The following A3GALT2 variants were observed in gnomAD, a reference collection of about 807,000 sequenced individuals.
A3GALT2 encodes the protein alpha-1,3-galactosyltransferase 2.
In A3GALT2, 14 loss-of-function variants were observed where a neutral mutation model predicts 16.6. That is an observed-to-expected ratio of 0.84 (90% CI 0.56 to 1.32). The LOEUF is 1.32. Among genes scored for constraint, A3GALT2 ranks in the 40% most tolerant of loss-of-function variants. The pLI, the probability that A3GALT2 is intolerant of heterozygous loss-of-function variation, is 0.00. For missense variants in A3GALT2, 600 were observed against 490.9 expected (o/e 1.22, Z -2.10); for synonymous variants, 253 against 218.0 (o/e 1.16, Z -1.42).
rs549874302 is a variant in A3GALT2 at position 33,312,093 on chromosome 1, C to G, written c.294G>C (p.Gln98His). Reference sequence around the variant, plus strand: ...TAGTCAGCCCAATGGTGAGGTTCTGCTGTCTAGCCTCTTGCTTGGCCACAT... The same window carrying G: ...TAGTCAGCCCAATGGTGAGGTTCTGGTGTCTAGCCTCTTGCTTGGCCACAT... ...DPDVAKQEAR[Q>H]QNLTIGLTIF... The change falls in exon 4 of 5, where the codon CAG becomes CAC. Residue 98 changes from glutamine (Q) to histidine (H), a missense_variant. Physicochemically the swap from Gln to His is conservative, Grantham distance 24. Transcript: ENST00000442999. 6 of 1,613,704 alleles carry G rather than the reference C, an allele frequency of 3.7e-6. No homozygotes were observed. In the African/African-American group the frequency reaches 6.7e-5, roughly 18 times the overall value.
Position 33,307,038 on chromosome 1 carries a change from A to C in A3GALT2, c.751T>G (p.Phe251Val). 2.0e-6 allele frequency: 3 copies of C among 1,497,140 alleles called. No homozygotes were observed. The highest frequency in any genetic ancestry group is 2.7e-6 in the Non-Finnish European group (3 of 1,127,400). The allele number at this position is 1,497,140 out of a possible 1,614,324, so 92.7% of individuals were successfully genotyped here. A position where few individuals can be genotyped will look rare whatever the true frequency, so the allele number is the denominator to read the frequency against. Reference sequence around the variant, plus strand: ...CCGAACACCGCCGCGTGGTTATAGAAGTCGCCCTGGCCCCACGCCATCGCG... The same window carrying C: ...CCGAACACCGCCGCGTGGTTATAGACGTCGCCCTGGCCCCACGCCATCGCG... ...AAAMAWGQGD[F>V]YNHAAVFGGS... The change falls in exon 5 of 5, where the codon TTC becomes GTC. Residue 251 changes from phenylalanine (F) to valine (V), a missense_variant. Physicochemically the swap from Phe to Val is conservative, Grantham distance 50 (BLOSUM62 -1). Coordinates refer to ENST00000442999, the MANE Select transcript of A3GALT2 (RefSeq NM_001080438.1).
intron 1 of A3GALT2, among the ~76,000 whole-genome samples, chr1:33,316,425 A>AAAAAC (rs752776010): frequency 2.6e-5 from 4 of 152,264 alleles, no homozygotes; most frequent in Non-Finnish European, 2.9e-5. Context: ...TTTTATTTGA[A>AAAAAC]AAAACAAAAC....
rs759998247 is a variant in A3GALT2 at position 33,307,464 on chromosome 1, G to A, written c.336-11C>T. ...TACTTCTCCAGGTATCTAAGGGCGCGGCGCCACCGTCAGCCTGAGAGTGAA... is the reference window on the plus strand; with the variant it reads ...TACTTCTCCAGGTATCTAAGGGCGCAGCGCCACCGTCAGCCTGAGAGTGAA... On this transcript the variant is annotated splice_polypyrimidine_tract_variant and intron_variant, in intron 4 of 4. Coordinates refer to ENST00000442999, the MANE Select transcript of A3GALT2 (RefSeq NM_001080438.1). 9 of 1,481,478 alleles carry A rather than the reference G, an allele frequency of 6.1e-6. No homozygotes were observed. Among genetic ancestry groups the A allele is most frequent in the South Asian group, 1.3e-5 (1 of 77,258 alleles). 91.8% of individuals were successfully genotyped at this position (1,481,478 alleles called of 1,614,324 possible). A position where few individuals can be genotyped will look rare whatever the true frequency, so the allele number is the denominator to read the frequency against.
intron 4 of A3GALT2, among the ~76,000 whole-genome samples, chr1:33,308,750 G>GATTTTT (rs1646216220): frequency 2.2e-5 from 1 of 46,132 alleles, no homozygotes; most frequent in Non-Finnish European, 3.8e-5. Context: ...TGTCAAAGTT[G>GATTTTT]TTTTTTTTTT....
At chr1:33,315,005 C>T (rs1366761016) in intron 1 of A3GALT2, among the ~76,000 whole-genome samples, 4 of 151,864 alleles carry the variant, frequency 2.6e-5, no homozygotes, top group Admixed American at 2.0e-4. Context: ...CCAGTGTTTT[C>T]GGAGGTCAAG....
rs1429025529 is a variant in A3GALT2, at chr1:33,320,374, CTTA to C, written c.23+699_23+701del. ...CCAACCAGGGTAGGGCAAACCGATG[CTTA>C]TTCTGGGCTCTGGGCCTCAGCCAGG... On this transcript the variant is annotated intron_variant, in intron 1 of 4. Transcript: ENST00000442999. This position sits in a 1 kb window ranked among gnomAD's most constrained non-coding sequence, Gnocchi z 4.3. Among the ~76,000 whole-genome samples, 6 of 152,190 alleles carry C rather than the reference CTTA, an allele frequency of 3.9e-5. No individual in the cohort carries two copies. The Middle Eastern group carries it at 0.01, about 259-fold the overall frequency.
intron 1 of A3GALT2, among the ~76,000 whole-genome samples, chr1:33,317,162 A>G (rs941998997): frequency 6.6e-6 from 1 of 152,146 alleles, no homozygotes; most frequent in Non-Finnish European, 1.5e-5. Flanking sequence ...AGAAGGCTTT[A>G]GTGTCCAGCT....
rs1195221584 is a variant in A3GALT2, at chr1:33,307,452, A to T, written c.337T>A (p.Tyr113Asn). Residue 113 changes from tyrosine to asparagine, a missense_variant and splice_region_variant, in exon 5 of 5, where the codon TAC becomes AAC. Coordinates refer to ENST00000442999, the MANE Select transcript of A3GALT2 (RefSeq NM_001080438.1). ...IGLTIFAVGR[Y>N]LEKYLERFLE... ...AAGCGCTCCAGGTACTTCTCCAGGT[A>T]TCTAAGGGCGCGGCGCCACCGTCAG... is the stretch of plus-strand genomic sequence containing the variant. The T allele has an allele frequency of 6.7e-7, 1 of 1,496,012 alleles. No homozygotes were observed. Among genetic ancestry groups the T allele is most frequent in the Admixed American group, 2.4e-5 (1 of 41,358 alleles). 92.7% of individuals were successfully genotyped at this position (1,496,012 alleles called of 1,614,324 possible).
chr1:33,312,087 G>A lies in A3GALT2; in HGVS notation c.300C>T (p.Asn100=). 1 of 1,613,728 alleles carries A rather than the reference G, an allele frequency of 6.2e-7. No homozygotes were observed. Among genetic ancestry groups the A allele is most frequent in the African/African-American group, 1.3e-5 (1 of 75,056 alleles). Reference sequence around the variant, plus strand: ...CAAAGATAGTCAGCCCAATGGTGAGGTTCTGCTGTCTAGCCTCTTGCTTGG... The same window carrying A: ...CAAAGATAGTCAGCCCAATGGTGAGATTCTGCTGTCTAGCCTCTTGCTTGG... ...DVAKQEARQQ[N]LTIGLTIFAV... is the part of the protein sequence containing the mutation. The change falls in exon 4 of 5, where the codon AAC becomes AAT. Residue 100 remains asparagine (N), a synonymous_variant. Transcript: ENST00000442999.
In A3GALT2 at chr1:33,321,029, A is replaced by T. The variant is rs373884134; in HGVS notation, c.23+47T>A. The T allele has an allele frequency of 1.3e-5, 21 of 1,611,014 alleles. No individual in the cohort carries two copies. In the African/African-American group the frequency reaches 2.8e-4, roughly 22 times the overall value. On this transcript the variant is annotated intron_variant, in intron 1 of 4. Coordinates refer to ENST00000442999, the MANE Select transcript of A3GALT2 (RefSeq NM_001080438.1). ...CATCAGACTGGATCCCTCTTAGCTCAGCTGTCCCCAAGCTTTCTTCCTCTC... is the reference window on the plus strand; with the variant it reads ...CATCAGACTGGATCCCTCTTAGCTCTGCTGTCCCCAAGCTTTCTTCCTCTC...
Position 33,307,365 on chromosome 1 carries a change from C to G in A3GALT2, c.424G>C (p.Glu142Gln). 1 of 1,553,428 alleles carries G rather than the reference C, an allele frequency of 6.4e-7. No homozygotes were observed. The highest frequency in any genetic ancestry group is 8.6e-7 in the Non-Finnish European group (1 of 1,157,132). ...ACGCGGGGCACCGCTCCCGGAAGCT[C>G]GGTGAACACGTAGTACATCACGCTC... The part of the protein sequence containing the change: ...GQSVMYYVFT[E>Q]LPGAVPRVAL... Residue 142 changes from glutamate (E) to glutamine (Q), a missense_variant, in exon 5 of 5, where the codon GAG (glutamate) becomes CAG (glutamine). Physicochemically the swap from Glu to Gln is conservative, Grantham distance 29. Transcript: ENST00000442999.
At chr1:33,309,435 C>T (rs184712983) in intron 4 of A3GALT2, among the ~76,000 whole-genome samples, 2,658 of 151,504 alleles carry the variant, frequency 0.018, 68 homozygotes, top group African/African-American at 0.059. Context: ...GCTGGCCAGG[C>T]GGGGGCTGTC....
intron 1 of A3GALT2, among the ~76,000 whole-genome samples, chr1:33,315,254 C>T (rs1423225438): frequency 4.6e-5 from 7 of 152,114 alleles, no homozygotes; most frequent in Admixed American, 1.3e-4. Flanking sequence ...TGGTGGCACG[C>T]GTCGGTAGTC....
In A3GALT2 at chr1:33,312,791, G is replaced by C; in HGVS notation, c.107+16C>G. On this transcript the variant is annotated intron_variant, in intron 2 of 4. Coordinates refer to ENST00000442999, the MANE Select transcript of A3GALT2 (RefSeq NM_001080438.1). Reference sequence around the variant, plus strand: ...ACTGTGGTCCTACCTCAAGTGCTGGGGAAAGGGGCTTTTACCTGAATTTAG... The same window carrying C: ...ACTGTGGTCCTACCTCAAGTGCTGGCGAAAGGGGCTTTTACCTGAATTTAG... 3 of 1,589,064 alleles carry C rather than the reference G, an allele frequency of 1.9e-6. No homozygotes were observed. Among genetic ancestry groups the C allele is most frequent in the Non-Finnish European group, 2.6e-6 (3 of 1,166,682 alleles).
Position 33,312,824 on chromosome 1 carries a change from A to G in A3GALT2, c.90T>C (p.Tyr30=), listed in dbSNP as rs757647435. 44 of 1,602,936 alleles carry G rather than the reference A, an allele frequency of 2.7e-5. No homozygotes were observed. The highest frequency in any genetic ancestry group is 2.6e-6 in the Non-Finnish European group (3 of 1,174,856). Residue 30 remains tyrosine (Y), a synonymous_variant, in exon 2 of 5, where the codon TAT becomes TAC. Coordinates refer to ENST00000442999, the MANE Select transcript of A3GALT2 (RefSeq NM_001080438.1). The stretch of plus-strand genomic sequence containing the variant: ...GCTTTTACCTGAATTTAGGGAGGCC[A>G]TACAGAAACAGGCCTAAGAGGCCAA... ...LTLGLLGLFL[Y]GLPKFRHLEA...
At chr1:33,319,967 G>A (rs1570430285) in intron 1 of A3GALT2, among the ~76,000 whole-genome samples, 1 of 152,006 alleles carries the variant, frequency 6.6e-6, no homozygotes, top group African/African-American at 2.4e-5. Flanking sequence ...TAATGGGTGG[G>A]GTTGGGCTTT....
At chr1:33,318,529 C>T (rs1415448938) in intron 1 of A3GALT2, among the ~76,000 whole-genome samples, 1 of 152,146 alleles carries the variant, frequency 6.6e-6, no homozygotes, top group East Asian at 1.9e-4. Context: ...CTCCTGGCCT[C>T]CCTCACTGTC....
intron 1 of A3GALT2, among the ~76,000 whole-genome samples, chr1:33,316,006 C>T (rs1285308029): frequency 1.3e-5 from 2 of 152,096 alleles, no homozygotes; most frequent in African/African-American, 4.8e-5. Context: ...ACAATGAATG[C>T]TGTGATTGGG....
At chr1:33,315,440 G>T (rs1276570578) in intron 1 of A3GALT2, among the ~76,000 whole-genome samples, 2 of 152,016 alleles carry the variant, frequency 1.3e-5, no homozygotes, top group Non-Finnish European at 2.9e-5. Context: ...AGCTATTCAG[G>T]AGGCTGAGGC....
Sources: allele counts gnomAD v4.1 joint callset (sites outside exome capture counted in the v4.1 genomes callset), GRCh38; gene constraint gnomAD v4.1.1; non-coding constraint Gnocchi (gnomAD v3.1); transcripts MANE v1.5; gene names NCBI Gene and HGNC (gene_info 2026-07-23, HGNC 2026-07-21).